Variants in ADAMTS2 observed in about 807,000 individuals in gnomAD.
The protein encoded by ADAMTS2 is A disintegrin and metalloproteinase with thrombospondin motifs 2.
In ADAMTS2, 50 loss-of-function variants were observed where a neutral mutation model predicts 123.0. The ratio of observed to expected loss-of-function variants is 0.41; its 90% CI spans 0.32 to 0.51. ADAMTS2 has a LOEUF of 0.51. Among genes scored for constraint, ADAMTS2 ranks in the 20% least tolerant of loss-of-function variants. ADAMTS2 has a pLI of 0.35. For synonymous variants in ADAMTS2, 678 were observed against 695.4 expected (o/e 0.98, Z 0.39); for missense variants, 1,494 against 1,705.2 (o/e 0.88, Z 2.18).
chr5:179,255,689 C>A (rs896392912), intron 3 of ADAMTS2, among the ~76,000 whole-genome samples: 2 of 152,160 alleles, frequency 1.3e-5, no homozygotes, highest in African/African-American at 4.8e-5. Flanking sequence ...AAGATTATGG[C>A]CTGGCTGGGG....
intron 11 of ADAMTS2, among the ~76,000 whole-genome samples, chr5:179,139,615 C>T (rs780128521): frequency 2.1e-4 from 32 of 152,142 alleles, no homozygotes; most frequent in Admixed American, 1.1e-3. Context: ...CCTCCATGCC[C>T]GTGGCCAGGA....
chr5:179,276,528 C>G (rs554091170), intron 2 of ADAMTS2, among the ~76,000 whole-genome samples: 1 of 152,322 alleles, frequency 6.6e-6, no homozygotes, highest in Non-Finnish European at 1.5e-5. Context: ...CAGGTCATTT[C>G]CCGTGCACAC....
At chr5:179,235,035 G>A (rs1231805866) in intron 3 of ADAMTS2, among the ~76,000 whole-genome samples, 1 of 152,200 alleles carries the variant, frequency 6.6e-6, no homozygotes, top group Non-Finnish European at 1.5e-5. Context: ...ACTCTGCCCA[G>A]AATGCCTGCC....
At chr5:179,167,089 C>T (rs1322414310) in intron 5 of ADAMTS2, among the ~76,000 whole-genome samples, 1 of 152,230 alleles carries the variant, frequency 6.6e-6, no homozygotes, top group Non-Finnish European at 1.5e-5. Context: ...TCACCGTCCG[C>T]AAGGAGCGCC....
At position 179,112,340 on chromosome 5, in the gene ADAMTS2, T is replaced by C. The variant is rs1762582924; in HGVS notation, c.*1527A>G. ...GGAGCTGACGTGCCCCTGGGTCTTG[T>C]AAGCCCAGAAAGTTTAAGCTTCACG... On this transcript the variant is annotated 3_prime_UTR_variant, in exon 22 of 22. Coordinates refer to ENST00000251582, the MANE Select transcript of ADAMTS2 (RefSeq NM_014244.5). 6.6e-6 allele frequency: 1 copy of C among 152,136 alleles called. No individual in the cohort carries two copies. The highest frequency in any genetic ancestry group is 2.1e-4 in the South Asian group (1 of 4,824). The allele number at this position is 152,136 out of a possible 1,614,324, so 9.4% of individuals were successfully genotyped here. A position where few individuals can be genotyped will look rare whatever the true frequency, so the allele number is the denominator to read the frequency against.
intron 21 of ADAMTS2, among the ~76,000 whole-genome samples, chr5:179,119,129 G>A (rs988213499): frequency 6.6e-6 from 1 of 152,208 alleles, no homozygotes; most frequent in African/African-American, 2.4e-5. Context: ...GCCTCTTAGC[G>A]GGAATTGCTC....
rs76343563 is a variant in ADAMTS2, at chr5:179,334,753, T to C, written c.534+9014A>G. ...TAATGAGTTCAATCAAGCTGCTTGA[T>C]AAAAGATAGTTCTATAAAAATCAGT... is the stretch of plus-strand genomic sequence containing the variant. On this transcript the variant is annotated intron_variant, in intron 2 of 21. Coordinates refer to ENST00000251582, the MANE Select transcript of ADAMTS2 (RefSeq NM_014244.5). Among the ~76,000 whole-genome samples, 1,115 of 152,246 alleles carry C rather than the reference T, an allele frequency of 7.3e-3. 15 individuals are homozygous for C. The highest frequency in any genetic ancestry group is 0.026 in the African/African-American group (1,065 of 41,540).
chr5:179,208,823 C>T (rs1053424110), intron 3 of ADAMTS2, among the ~76,000 whole-genome samples: 3 of 152,312 alleles, frequency 2.0e-5, no homozygotes, highest in South Asian at 2.1e-4. Flanking sequence ...CCATGGCATT[C>T]CCCAGGCAGG....
chr5:179,127,944 T>G lies in ADAMTS2; in HGVS notation c.2617+15A>C. 1 of 1,613,164 alleles carries G rather than the reference T, an allele frequency of 6.2e-7. No homozygotes were observed. The highest frequency in any genetic ancestry group is 8.5e-7 in the Non-Finnish European group (1 of 1,179,978). ...CCTCATGTCACCCAGGTCCCCAGCT[T>G]CGAGACCCCCTCACCTCCGCCACAG... On this transcript the variant is annotated intron_variant, in intron 17 of 21. Transcript: ENST00000251582.
At chr5:179,275,324 T>C (rs1766665468) in intron 2 of ADAMTS2, among the ~76,000 whole-genome samples, 3 of 151,310 alleles carry the variant, frequency 2.0e-5, no homozygotes, top group Admixed American at 6.6e-5. Flanking sequence ...AGGAGCGAAA[T>C]GGACAGGACG....
chr5:179,176,557 C>A (rs1763934426), intron 5 of ADAMTS2, among the ~76,000 whole-genome samples: 1 of 152,206 alleles, frequency 6.6e-6, no homozygotes, highest in Admixed American at 6.5e-5. Context: ...AGTGCCACAT[C>A]CTCTCGAAGT....
intron 2 of ADAMTS2, among the ~76,000 whole-genome samples, chr5:179,293,331 G>A (rs1561697928): frequency 6.6e-6 from 1 of 152,240 alleles, no homozygotes; most frequent in Non-Finnish European, 1.5e-5. Context: ...TCTGATTCTT[G>A]CAGGCTTTGT....
At chr5:179,255,804 C>T (rs547022600) in intron 3 of ADAMTS2, among the ~76,000 whole-genome samples, 2 of 152,310 alleles carry the variant, frequency 1.3e-5, no homozygotes, top group South Asian at 4.1e-4. Context: ...CTTCTTGCTC[C>T]TTCCTGGTGT....
intron 12 of ADAMTS2, 141 bp downstream of exon 12, chr5:179,137,628 A>T: frequency 8.4e-7 from 1 of 1,184,810 alleles, no homozygotes; most frequent in Non-Finnish European, 1.2e-6. Context: ...CAGGGCAGCC[A>T]CACCAGCCAG....
intron 10 of ADAMTS2, among the ~76,000 whole-genome samples, chr5:179,140,894 G>A (rs752369193): frequency 1.5e-4 from 21 of 144,668 alleles, no homozygotes; most frequent in Non-Finnish European, 2.2e-4. Context: ...CCGCCTCCTG[G>A]GTTCAAGCGA....
chr5:179,299,764 AC>A (rs1322994828), intron 2 of ADAMTS2, among the ~76,000 whole-genome samples: 1 of 151,242 alleles, frequency 6.6e-6, no homozygotes, highest in Non-Finnish European at 1.5e-5. Context: ...GCATCTACTG[AC>A]CCCTCTCTGA....
chr5:179,278,935 A>C (rs1766817244), intron 2 of ADAMTS2, among the ~76,000 whole-genome samples: 1 of 151,254 alleles, frequency 6.6e-6, no homozygotes, highest in Non-Finnish European at 1.5e-5. Flanking sequence ...ATTTATAAAG[A>C]TCCAAAGGCT....
At chr5:179,316,269 C>CTT (rs1756996808) in intron 2 of ADAMTS2, among the ~76,000 whole-genome samples, 2 of 152,304 alleles carry the variant, frequency 1.3e-5, no homozygotes, top group Admixed American at 1.3e-4. Flanking sequence ...CATTCCGAGG[C>CTT]CAGAGCCACC....
intron 5 of ADAMTS2, among the ~76,000 whole-genome samples, chr5:179,161,274 C>T (rs1335875603): frequency 6.6e-6 from 1 of 152,088 alleles, no homozygotes; most frequent in Non-Finnish European, 1.5e-5. Context: ...TCACTGTCTC[C>T]AGCTAGGGGG....
Sources: allele counts gnomAD v4.1 joint callset (sites outside exome capture counted in the v4.1 genomes callset), GRCh38; gene constraint gnomAD v4.1.1; transcripts MANE v1.5; gene names NCBI Gene and HGNC (gene_info 2026-07-23, HGNC 2026-07-21).